The following NAPA variants were observed in gnomAD, a reference collection of about 807,000 sequenced individuals.
NAPA encodes the protein NSF attachment protein alpha.
In NAPA, 18 loss-of-function variants were observed where a neutral mutation model predicts 48.0. The observed-to-expected ratio is 0.38, with a 90% CI of 0.26 to 0.56. The LOEUF (loss-of-function observed/expected upper bound fraction) is 0.56, where lower values mean the gene tolerates loss of function less well. Among genes scored for constraint, NAPA ranks in the 20% least tolerant of loss-of-function variants. NAPA has a pLI of 0.77. For synonymous variants in NAPA, 152 were observed against 149.9 expected (o/e 1.01, Z -0.10); for missense variants, 315 against 385.0 (o/e 0.82, Z 1.52).
chr19:47,489,582 A>C, intron 10 of NAPA, 129 bp downstream of exon 10: 1 of 1,054,348 alleles, frequency 9.5e-7, no homozygotes, highest in East Asian at 2.6e-5. Flanking sequence ...TGACTGGAGA[A>C]AGAACTTCAC....
chr19:47,492,927 C>T, intron 7 of NAPA, 34 bp downstream of exon 7: 1 of 1,604,154 alleles, frequency 6.2e-7, no homozygotes, highest in Non-Finnish European at 8.5e-7. Flanking sequence ...TGAGAGGGGG[C>T]AGGGTGGAAG....
At chr19:47,486,228 G>A (rs780709223), downstream of NAPA, among the ~76,000 whole-genome samples, 4 of 152,066 alleles carry the variant, frequency 2.6e-5, no homozygotes, top group African/African-American at 4.8e-5. Context: ...GGTGGCGCAC[G>A]CTTGTAATCC....
At position 47,514,786 on chromosome 19, in the gene NAPA, G is replaced by A. The variant is rs555841701; in HGVS notation, c.98+57C>T. On this transcript the variant is annotated intron_variant, in intron 1 of 10. Coordinates refer to ENST00000263354, the MANE Select transcript of NAPA (RefSeq NM_003827.4). ...GTGCCCTAACCCGCCACCTCCGAGC[G>A]TGACTCCTTCGTCCTCTCAGCCTAG... The A allele has an allele frequency of 1.6e-5, 24 of 1,538,110 alleles. No individual in the cohort carries two copies. The South Asian group carries it at 2.2e-4, about 14-fold the overall frequency.
chr19:47,495,819 C>T lies in NAPA; in HGVS notation c.296-223G>A, dbSNP rs544810623. ...AGAGGGCTGACTCTGCAGACTGTGACTTGCTGGGCACATGCTTCTGGGGGA... is the reference window on the plus strand; with the variant it reads ...AGAGGGCTGACTCTGCAGACTGTGATTTGCTGGGCACATGCTTCTGGGGGA... On this transcript the variant is annotated intron_variant, in intron 3 of 10. Coordinates refer to ENST00000263354, the MANE Select transcript of NAPA (RefSeq NM_003827.4). The T allele has an allele frequency of 3.5e-5, 20 of 569,852 alleles. No homozygotes were observed. In the Admixed American group the frequency reaches 6.0e-4, roughly 17 times the overall value. The allele number at this position is 569,852 out of a possible 1,614,324, so 35.3% of individuals were successfully genotyped here.
chr19:47,513,693 C>G (rs1487978833), intron 1 of NAPA, among the ~76,000 whole-genome samples: 1 of 151,890 alleles, frequency 6.6e-6, no homozygotes, highest in African/African-American at 2.4e-5. Flanking sequence ...GATCACACAG[C>G]AGGAATTTGA....
chr19:47,504,136 G>A (rs1482611086), intron 1 of NAPA, among the ~76,000 whole-genome samples: 1 of 152,020 alleles, frequency 6.6e-6, no homozygotes, highest in African/African-American at 2.4e-5. Context: ...CATGGCTCCT[G>A]TAATCCCAAC....
Position 47,504,609 on chromosome 19 carries a change from CTGTT to C in NAPA, c.99-1111_99-1108del, listed in dbSNP as rs541301214. On this transcript the variant is annotated intron_variant, in intron 1 of 10. Transcript: ENST00000263354. ...TTGTACTGTCTGAATTTTTTTTTAA[CTGTT>C]TGTACATCTTTTCGAGAAAAAAAAT... 4.1e-3 allele frequency among the ~76,000 whole-genome samples: 628 copies of C among 151,452 alleles called. 3 individuals carry two copies. The highest frequency in any genetic ancestry group is 6.9e-3 in the Middle Eastern group (2 of 290).
intron 8 of NAPA, 196 bp from the exon 9 acceptor site, chr19:47,491,052 A>G: frequency 1.9e-6 from 1 of 517,272 alleles, no homozygotes; most frequent in Non-Finnish European, 3.4e-6. Flanking sequence ...GCCTGGCTGC[A>G]GAGATGGCTG....
At chr19:47,498,868 A>G (rs1968499518) in intron 3 of NAPA, among the ~76,000 whole-genome samples, 1 of 152,116 alleles carries the variant, frequency 6.6e-6, no homozygotes, top group East Asian at 1.9e-4. Flanking sequence ...GCTCAACACC[A>G]CGTCCCCAGG....
chr19:47,500,836 G>A (rs1486192448), intron 2 of NAPA, 87 bp from the exon 3 acceptor site: 15 of 1,034,114 alleles, frequency 1.5e-5, no homozygotes, highest in Non-Finnish European at 1.9e-5. Context: ...GAGGTGGGTC[G>A]GGCTCTCGAG....
Position 47,493,018 on chromosome 19 carries a change from C to G in NAPA, c.504G>C (p.Val168=). The G allele has an allele frequency of 6.2e-7, 1 of 1,614,166 alleles. No individual in the cohort carries two copies. Among genetic ancestry groups the G allele is most frequent in the Non-Finnish European group, 8.5e-7 (1 of 1,180,022 alleles). The change falls in exon 7 of 11, where the codon GTG becomes GTC. Residue 168 remains valine, a synonymous_variant. Transcript: ENST00000263354. This position sits in a 1 kb window ranked among gnomAD's most constrained non-coding sequence, Gnocchi z 6.4. Reference sequence around the variant, plus strand: ...GCTCCAGCAGCGCAGCGTAACCAGCCACCTTCAGCAGACACTTGTTGGCTG... The same window carrying G: ...GCTCCAGCAGCGCAGCGTAACCAGCGACCTTCAGCAGACACTTGTTGGCTG... ...NSSANKCLLK[V]AGYAALLEQY...
chr19:47,491,681 C>T (rs972890575), intron 8 of NAPA, among the ~76,000 whole-genome samples: 6 of 152,236 alleles, frequency 3.9e-5, no homozygotes, highest in Non-Finnish European at 7.3e-5. Flanking sequence ...AAACAAGGGA[C>T]TCTCGTCCCA....
chr19:47,513,489 C>T (rs185128349), intron 1 of NAPA, among the ~76,000 whole-genome samples: 33 of 152,326 alleles, frequency 2.2e-4, no homozygotes, highest in Admixed American at 2.2e-3. Flanking sequence ...ACAATTTACC[C>T]AAAGTCATGA....
Position 47,506,142 on chromosome 19 carries a change from T to C in NAPA, c.99-2640A>G, listed in dbSNP as rs1015147302. On this transcript the variant is annotated intron_variant, in intron 1 of 10. Transcript: ENST00000263354. This position sits in a 1 kb window ranked among gnomAD's most constrained non-coding sequence, Gnocchi z 4.0. ...CCTCCTGAGTAGCTGGGATTACAGA[T>C]GTGTGCCATCACACCCTACTAATTT... 2.0e-5 allele frequency among the ~76,000 whole-genome samples: 3 copies of C among 151,978 alleles called. No individual in the cohort carries two copies. Among genetic ancestry groups the C allele is most frequent in the Non-Finnish European group, 4.4e-5 (3 of 67,990 alleles).
intron 8 of NAPA, 139 bp downstream of exon 8, chr19:47,491,875 AC>A (rs1968275385): frequency 2.7e-6 from 2 of 740,454 alleles, no homozygotes; most frequent in African/African-American, 3.5e-5. Context: ...TGTGAGAACC[AC>A]ACTTCTCATC....
rs780641954 is a variant in NAPA, at chr19:47,493,187, G to A, written c.421-13C>T. The stretch of plus-strand genomic sequence containing the variant: ...AGTGGGCAATGGCCTGGGGAGACAC[G>A]GGGGATGGGTTCCAGGGGAGGGCAG... On this transcript the variant is annotated splice_polypyrimidine_tract_variant and intron_variant, in intron 5 of 10. Transcript: ENST00000263354. The surrounding 1 kb of genome is among the most constrained non-coding windows in gnomAD (Gnocchi z 6.4). The A allele has an allele frequency of 5.3e-5, 84 of 1,578,714 alleles. No individual in the cohort carries two copies. The highest frequency in any genetic ancestry group is 1.1e-4 in the East Asian group (5 of 44,526).
At chr19:47,486,657 T>C (rs1401917348), downstream of NAPA, among the ~76,000 whole-genome samples, 1 of 152,174 alleles carries the variant, frequency 6.6e-6, no homozygotes, top group Non-Finnish European at 1.5e-5. Context: ...CCATCACTGA[T>C]TTAGGTCATG....
In NAPA at chr19:47,514,834, G is replaced by A; in HGVS notation, c.98+9C>T. 2 of 1,612,986 alleles carry A rather than the reference G, an allele frequency of 1.2e-6. No homozygotes were observed. Among genetic ancestry groups the A allele is most frequent in the Non-Finnish European group, 8.5e-7 (1 of 1,179,246 alleles). ...TAGGTCCCGGCCGACCCCTCAGCCCGGTTCTCACCCAAAGAGGCCAGAGAA... is the reference window on the plus strand; with the variant it reads ...TAGGTCCCGGCCGACCCCTCAGCCCAGTTCTCACCCAAAGAGGCCAGAGAA... On this transcript the variant is annotated intron_variant, in intron 1 of 10. Coordinates refer to ENST00000263354, the MANE Select transcript of NAPA (RefSeq NM_003827.4).
At chr19:47,492,280 G>T in intron 7 of NAPA, 161 bp from the exon 8 acceptor site, 1 of 625,574 alleles carries the variant, frequency 1.6e-6, no homozygotes, top group Non-Finnish European at 2.8e-6. Flanking sequence ...GACCAGCTTG[G>T]AGAGGTCAGC....
Sources: gnomAD v4.1 joint callset for allele counts (sites outside exome capture counted in the v4.1 genomes callset) on GRCh38, gnomAD v4.1.1 for gene constraint, Gnocchi (gnomAD v3.1) non-coding constraint, MANE v1.5 for transcripts, NCBI Gene and HGNC (gene_info 2026-07-23, HGNC 2026-07-21) for gene names.